AHCYL2: variants seen among roughly 807,000 people sequenced by gnomAD.
The protein encoded by AHCYL2 is S-adenosylhomocysteine hydrolase-like protein 2.
In AHCYL2, 28 loss-of-function variants were observed where a neutral mutation model predicts 81.4. The ratio of observed to expected loss-of-function variants is 0.34; its 90% confidence interval spans 0.25 to 0.47. The LOEUF (loss-of-function observed/expected upper bound fraction) is 0.47, where lower values mean the gene tolerates loss of function less well. Among genes scored for constraint, AHCYL2 ranks in the 20% least tolerant of loss-of-function variants. The probability of loss-of-function intolerance (pLI) is 1.00; values close to 1 mark genes in which losing one functional copy is unlikely to be tolerated. For synonymous variants in AHCYL2, 272 were observed against 290.2 expected, an observed-to-expected ratio of 0.94 and a Z score of 0.64; for missense variants, 551 against 785.1, an observed-to-expected ratio of 0.70 and a Z score of 3.56.
intron 1 of AHCYL2, among the ~76,000 whole-genome samples, chr7:129,242,967 A>G (rs553369336): frequency 8.0e-6 from 1 of 124,890 alleles, no homozygotes; most frequent in South Asian, 2.5e-4. Context: ...ATCCTTTCCC[A>G]TTTTTCTGTT....
chr7:129,300,627 A>C (rs1797227056), intron 1 of AHCYL2, among the ~76,000 whole-genome samples: 1 of 152,200 alleles, frequency 6.6e-6, no homozygotes, highest in African/African-American at 2.4e-5. Flanking sequence ...ATATCTCTTC[A>C]ATATACTGAC....
chr7:129,354,567 A>G (rs572582872), intron 1 of AHCYL2, among the ~76,000 whole-genome samples: 6 of 152,298 alleles, frequency 3.9e-5, no homozygotes, highest in Admixed American at 3.3e-4. Context: ...CCATTTGGTA[A>G]TGGTAGTCTG....
chr7:129,350,615 G>A (rs1226034392), intron 1 of AHCYL2, among the ~76,000 whole-genome samples: 1 of 151,860 alleles, frequency 6.6e-6, no homozygotes, highest in Admixed American at 6.6e-5. Context: ...TCGAACTCCT[G>A]ACCTTGTGAT....
Position 129,361,396 on chromosome 7 carries a change from A to G in AHCYL2, c.364-18242A>G, listed in dbSNP as rs527794498. Among the ~76,000 whole-genome samples, 9 of 152,230 alleles carry G rather than the reference A, an allele frequency of 5.9e-5. No individual in the cohort carries two copies. In the South Asian group the frequency reaches 1.9e-3, roughly 32 times the overall value. ...TATACTCCCATGTACTTATATTATC[A>G]TTTCTCACACTTTTATATACTTATT... On this transcript the variant is annotated intron_variant, in intron 1 of 16. Coordinates refer to ENST00000325006, the MANE Select transcript of AHCYL2 (RefSeq NM_015328.4).
intron 11 of AHCYL2, among the ~76,000 whole-genome samples, chr7:129,413,187 G>A (rs1796677842): frequency 6.8e-6 from 1 of 146,974 alleles, no homozygotes; most frequent in Non-Finnish European, 1.5e-5. Context: ...TGTCACCCAG[G>A]CTGGAGTGTG....
intron 1 of AHCYL2, among the ~76,000 whole-genome samples, chr7:129,303,584 T>C (rs919391466): frequency 2.6e-5 from 4 of 152,218 alleles, no homozygotes; most frequent in Non-Finnish European, 5.9e-5. Context: ...ATTTCATTTA[T>C]CTTTTCAAAG....
chr7:129,380,581 T>C (rs1463621636), intron 2 of AHCYL2, among the ~76,000 whole-genome samples: 1 of 152,232 alleles, frequency 6.6e-6, no homozygotes, highest in African/African-American at 2.4e-5. Context: ...AACAGTTGTT[T>C]GGGAAGCTGT....
At chr7:129,322,354 G>A (rs1798067700) in intron 1 of AHCYL2, among the ~76,000 whole-genome samples, 1 of 152,122 alleles carries the variant, frequency 6.6e-6, no homozygotes, top group South Asian at 2.1e-4. Context: ...TGGCCAGGCT[G>A]GTCTTGAACT....
At chr7:129,421,056 G>T (rs1028080339) in intron 12 of AHCYL2, among the ~76,000 whole-genome samples, 5 of 152,100 alleles carry the variant, frequency 3.3e-5, no homozygotes, top group African/African-American at 1.2e-4. Flanking sequence ...TTCGAGACCA[G>T]CCTGGTCAAC....
chr7:129,357,374 A>G (rs1278972788), intron 1 of AHCYL2, among the ~76,000 whole-genome samples: 2 of 152,242 alleles, frequency 1.3e-5, no homozygotes, highest in Non-Finnish European at 2.9e-5. Context: ...TGAAGTACAT[A>G]TGGAAACTCT....
chr7:129,340,856 G>T (rs932374873), intron 1 of AHCYL2, among the ~76,000 whole-genome samples: 1 of 151,976 alleles, frequency 6.6e-6, no homozygotes, highest in Non-Finnish European at 1.5e-5. Flanking sequence ...GAATACTTTG[G>T]ATAAGCTTAT....
Position 129,290,416 on chromosome 7 carries a change from G to A in AHCYL2, c.363+64977G>A, listed in dbSNP as rs545804156. Among the ~76,000 whole-genome samples, 4 of 151,092 alleles carry A rather than the reference G, an allele frequency of 2.6e-5. No homozygotes were observed. In the South Asian group the frequency reaches 6.3e-4, roughly 24 times the overall value. ...CTCGGGAGGCTGAGGCAGGAGAATG[G>A]TATGAACCCGGGAGGCGGAGCTTGC... is the stretch of plus-strand genomic sequence containing the variant. On this transcript the variant is annotated intron_variant, in intron 1 of 16. Transcript: ENST00000325006.
At chr7:129,321,279 C>T (rs550367272) in intron 1 of AHCYL2, among the ~76,000 whole-genome samples, 90 of 152,236 alleles carry the variant, frequency 5.9e-4, no homozygotes, top group African/African-American at 1.6e-3. Flanking sequence ...TTCATCCTTA[C>T]GTATAATGTT....
In AHCYL2 at chr7:129,225,383, G is replaced by C; in HGVS notation, c.307G>C (p.Glu103Gln). 6.6e-7 allele frequency: 1 copy of C among 1,516,668 alleles called. No individual in the cohort carries two copies. The highest frequency in any genetic ancestry group is 1.2e-5 in the South Asian group (1 of 83,404). 94.0% of individuals were successfully genotyped at this position (1,516,668 alleles called of 1,614,324 possible). ...HQHQRHRDGG[E>Q]ALVSPDGTVT... ...GCACCAGCGGCACCGCGACGGCGGC[G>C]AGGCCCTGGTCAGCCCCGACGGCAC... Residue 103 changes from glutamate to glutamine, a missense_variant, in exon 1 of 17, where the codon GAG becomes CAG. Glu to Gln is a conservative substitution (Grantham distance 29). This residue lies in a region of AHCYL2 where 235 missense variants were observed against 242.1 expected (regional missense o/e 0.97). Coordinates refer to ENST00000325006, the MANE Select transcript of AHCYL2 (RefSeq NM_015328.4).
chr7:129,362,611 T>G (rs1034844950), intron 1 of AHCYL2, among the ~76,000 whole-genome samples: 27 of 145,752 alleles, frequency 1.9e-4, no homozygotes, highest in Admixed American at 4.8e-4. Context: ...TTTTTTTTTT[T>G]TTTTTTTTTT....
intron 2 of AHCYL2, among the ~76,000 whole-genome samples, chr7:129,387,337 T>TA (rs1795248093): frequency 6.6e-6 from 1 of 152,236 alleles, no homozygotes; most frequent in Admixed American, 6.5e-5. Flanking sequence ...CCTGAGTGTG[T>TA]GAATGACTGA....
rs540927539 is a variant in AHCYL2 at position 129,382,053 on chromosome 7, G to A, written c.475+2304G>A. Among the ~76,000 whole-genome samples, 16 of 152,280 alleles carry A rather than the reference G, an allele frequency of 1.1e-4. 1 individual carries two copies. In the South Asian group the frequency reaches 3.3e-3, roughly 32 times the overall value. On this transcript the variant is annotated intron_variant, in intron 2 of 16. Coordinates refer to ENST00000325006, the MANE Select transcript of AHCYL2 (RefSeq NM_015328.4). ...TACTATCCTGATTATTGGACTAGGA[G>A]TTAGGAGAGACCTAGTTTCTAGTCT...
chr7:129,331,895 A>C (rs1798440062), intron 1 of AHCYL2, among the ~76,000 whole-genome samples: 1 of 151,384 alleles, frequency 6.6e-6, no homozygotes, highest in African/African-American at 2.4e-5. Context: ...TTTAATCCTT[A>C]GAATAAGCAG....
chr7:129,328,499 T>G (rs1798306694), intron 1 of AHCYL2, among the ~76,000 whole-genome samples: 1 of 151,658 alleles, frequency 6.6e-6, no homozygotes, highest in Non-Finnish European at 1.5e-5. Flanking sequence ...TTTGTTTTTT[T>G]TGTGAGACAG....
Sources: gnomAD v4.1 joint callset for allele counts (sites outside exome capture counted in the v4.1 genomes callset) on GRCh38, gnomAD v4.1.1 for gene constraint, gnomAD v4.1.1 regional missense constraint, MANE v1.5 for transcripts, NCBI Gene and HGNC (gene_info 2026-07-23, HGNC 2026-07-21) for gene names.